The following DNAJC11 variants were observed in gnomAD, a reference collection of about 807,000 sequenced individuals.
The protein encoded by DNAJC11 is dnaJ homolog subfamily C member 11.
DNAJC11 carries 15 observed loss-of-function variants against 78.6 expected under a neutral mutation model. The observed-to-expected ratio is 0.19, with a 90% CI of 0.13 to 0.29. The LOEUF (loss-of-function observed/expected upper bound fraction) is 0.29. Among genes scored for constraint, DNAJC11 ranks in the 10% least tolerant of loss-of-function variants. The probability of loss-of-function intolerance (pLI) is 1.00; values close to 1 mark genes in which losing one functional copy is unlikely to be tolerated. For synonymous variants in DNAJC11, 292 were observed against 272.1 expected, an observed-to-expected ratio of 1.07 and a Z score of -0.72; for missense variants, 547 against 709.6, an observed-to-expected ratio of 0.77 and a Z score of 2.60.
At chr1:6,651,924 C>T (rs1029031995) in intron 6 of DNAJC11, among the ~76,000 whole-genome samples, 6 of 151,980 alleles carry the variant, frequency 3.9e-5, no homozygotes, top group South Asian at 2.1e-4. Context: ...CTACCCCTCC[C>T]GGCGCAGCCC....
At chr1:6,647,022 C>T (rs888572009) in intron 7 of DNAJC11, among the ~76,000 whole-genome samples, 5 of 149,894 alleles carry the variant, frequency 3.3e-5, no homozygotes, top group East Asian at 2.0e-4. Context: ...CCAGGTGTAG[C>T]GGCACGCCCT....
chr1:6,680,725 C>T lies in DNAJC11; in HGVS notation c.202+183G>A, dbSNP rs946172326. Among the ~76,000 whole-genome samples the T allele has an allele frequency of 8.5e-5, 13 of 152,180 alleles. No individual in the cohort carries two copies. The highest frequency in any genetic ancestry group is 2.9e-5 in the Non-Finnish European group (2 of 68,038). ...TCTCTCATTTTCTACTTACTGGACA[C>T]GTATTGATTTCCAAAGCAAAATACT... On this transcript the variant is annotated intron_variant, in intron 2 of 15. Coordinates refer to ENST00000377577, the MANE Select transcript of DNAJC11 (RefSeq NM_018198.4). This position sits in a 1 kb window ranked among gnomAD's most constrained non-coding sequence, Gnocchi z 4.0.
chr1:6,667,697 C>T lies in DNAJC11; in HGVS notation c.378+12G>A, dbSNP rs1337904556. ...CATGAAGTGTCCTCATGAAACGTGG[C>T]CCCTGGCTTACCTTGGGATTGGTTC... On this transcript the variant is annotated intron_variant, in intron 4 of 15. Transcript: ENST00000377577. 6.2e-7 allele frequency: 1 copy of T among 1,612,262 alleles called. No individual in the cohort carries two copies. Among genetic ancestry groups the T allele is most frequent in the Non-Finnish European group, 8.5e-7 (1 of 1,178,364 alleles).
intron 2 of DNAJC11, among the ~76,000 whole-genome samples, chr1:6,679,363 C>T (rs1642520064): frequency 6.6e-6 from 1 of 152,176 alleles, no homozygotes; most frequent in Non-Finnish European, 1.5e-5. Context: ...GGCCACATCA[C>T]CCAAAATACA....
intron 1 of DNAJC11, among the ~76,000 whole-genome samples, chr1:6,686,463 T>C (rs1351874123): frequency 6.6e-6 from 1 of 152,238 alleles, no homozygotes; most frequent in East Asian, 1.9e-4. Flanking sequence ...GGCCAGCTAG[T>C]ACAGTTTGGC....
intron 6 of DNAJC11, 114 bp from the exon 7 acceptor site, chr1:6,651,716 C>A: frequency 1.3e-6 from 1 of 780,024 alleles, no homozygotes; most frequent in Non-Finnish European, 2.1e-6. Context: ...CTGGTCTTGC[C>A]AGGGCTCTAA....
Position 6,661,184 on chromosome 1 carries a change from A to G in DNAJC11, c.378+6525T>C, listed in dbSNP as rs148139764. On this transcript the variant is annotated intron_variant, in intron 4 of 15. Coordinates refer to ENST00000377577, the MANE Select transcript of DNAJC11 (RefSeq NM_018198.4). ...ATATTTATCTGGCCATGAGGGTAAC[A>G]TAAGAAATTTCTGTCAACTGCAATC... 1.0e-3 allele frequency among the ~76,000 whole-genome samples: 155 copies of G among 152,334 alleles called. 3 individuals carry two copies. Among genetic ancestry groups the G allele is most frequent in the South Asian group, 8.9e-3 (43 of 4,828 alleles).
At position 6,634,519 on chromosome 1, in the gene DNAJC11, A is replaced by G; in HGVS notation, c.*1156T>C. ...GGCGCAGCTTGGGGCCCCCCGCGCC[A>G]GCTGTCTCAGCCACCACCTGTGCGG... On this transcript the variant is annotated 3_prime_UTR_variant, in exon 16 of 16. Coordinates refer to ENST00000377577, the MANE Select transcript of DNAJC11 (RefSeq NM_018198.4). 7.4e-7 allele frequency: 1 copy of G among 1,358,186 alleles called. No individual in the cohort carries two copies. The highest frequency in any genetic ancestry group is 9.8e-7 in the Non-Finnish European group (1 of 1,018,330). 84.1% of individuals were successfully genotyped at this position (1,358,186 alleles called of 1,614,324 possible).
At chr1:6,637,964 C>A in intron 12 of DNAJC11, 1 of 387,078 alleles carries the variant, frequency 2.6e-6, no homozygotes, top group Non-Finnish European at 4.7e-6. Context: ...GCTCGCCAGG[C>A]CGCGCACACG....
At chr1:6,684,881 A>G (rs559756921) in intron 1 of DNAJC11, among the ~76,000 whole-genome samples, 2 of 152,312 alleles carry the variant, frequency 1.3e-5, no homozygotes, top group East Asian at 3.9e-4. Context: ...TTCTGGATAG[A>G]CTATATGTTA....
At chr1:6,649,006 T>G (rs1369910137) in intron 7 of DNAJC11, among the ~76,000 whole-genome samples, 1 of 151,944 alleles carries the variant, frequency 6.6e-6, no homozygotes, top group Non-Finnish European at 1.5e-5. Flanking sequence ...AAAAAAAATT[T>G]TTCTCGGTGG....
At position 6,695,643 on chromosome 1, in the gene DNAJC11, A is replaced by AG. The variant is rs1167161510; in HGVS notation, c.72+6085_72+6086insC. 4.0e-5 allele frequency among the ~76,000 whole-genome samples: 6 copies of AG among 148,500 alleles called. No homozygotes were observed. The East Asian group carries it at 1.2e-3, about 29-fold the overall frequency. On this transcript the variant is annotated intron_variant, in intron 1 of 15. Transcript: ENST00000377577. ...TATCTCTACTAAAAAAAAAAAAAAA[A>AG]AAAAAAAAAAAAAAATTAGCCGGGT...
chr1:6,655,457 A>G (rs1344847663), intron 4 of DNAJC11, among the ~76,000 whole-genome samples: 1 of 152,234 alleles, frequency 6.6e-6, no homozygotes, highest in African/African-American at 2.4e-5. Flanking sequence ...TTATATTCAC[A>G]GAGTAACAGC....
Position 6,634,457 on chromosome 1 carries a change from C to G in DNAJC11, c.*1218G>C, listed in dbSNP as rs145157732. On this transcript the variant is annotated 3_prime_UTR_variant, in exon 16 of 16. Coordinates refer to ENST00000377577, the MANE Select transcript of DNAJC11 (RefSeq NM_018198.4). ...CAGATACCAGTGCTGGGGAGGGAGG[C>G]CTGACTTCAGCAACAGCTGTGGGTG... 7.0e-4 allele frequency: 911 copies of G among 1,299,978 alleles called. 10 individuals carry two copies. In the African/African-American group the frequency reaches 0.013, roughly 18 times the overall value. The allele number at this position is 1,299,978 out of a possible 1,614,324, so 80.5% of individuals were successfully genotyped here.
In DNAJC11 at chr1:6,635,676, T is replaced by TA; in HGVS notation, c.1678dup (p.Ter560LeufsTer9). The TA allele has an allele frequency of 6.2e-7, 1 of 1,614,022 alleles. No homozygotes were observed. The highest frequency in any genetic ancestry group is 8.5e-7 in the Non-Finnish European group (1 of 1,179,944). ...TTTAAAAATCTGGTTCTTGGCAGTT[T>TA]ATCCATCTGTATCGATCCTGTGGGC... On this transcript the variant is annotated frameshift_variant and stop_lost, in exon 16 of 16. Coordinates refer to ENST00000377577, the MANE Select transcript of DNAJC11 (RefSeq NM_018198.4). LOFTEE classifies it high-confidence loss of function.
At position 6,680,780 on chromosome 1, in the gene DNAJC11, G is replaced by C; in HGVS notation, c.202+128C>G. ...TTTCAAAGGACCCTGTCAGTGAAAA[G>C]TACTAAACTAACCACCTGTTTTATA... On this transcript the variant is annotated intron_variant, in intron 2 of 15. Coordinates refer to ENST00000377577, the MANE Select transcript of DNAJC11 (RefSeq NM_018198.4). This position sits in a 1 kb window ranked among gnomAD's most constrained non-coding sequence, Gnocchi z 4.0. The C allele has an allele frequency of 8.6e-7, 1 of 1,161,146 alleles. No individual in the cohort carries two copies. The highest frequency in any genetic ancestry group is 1.2e-6 in the Non-Finnish European group (1 of 828,336). 71.9% of individuals were successfully genotyped at this position (1,161,146 alleles called of 1,614,324 possible).
intron 1 of DNAJC11, among the ~76,000 whole-genome samples, chr1:6,685,074 A>C (rs762411037): frequency 2.0e-4 from 31 of 152,206 alleles, no homozygotes; most frequent in Non-Finnish European, 1.0e-4. Context: ...GGAGTTCAAG[A>C]CCAGTTTGAG....
intron 4 of DNAJC11, among the ~76,000 whole-genome samples, chr1:6,665,733 G>A (rs1373869046): frequency 6.6e-6 from 1 of 152,092 alleles, no homozygotes; most frequent in Non-Finnish European, 1.5e-5. Context: ...ATTTGATCAT[G>A]GGACACGGAT....
At chr1:6,640,558 G>A (rs1045458378) in intron 10 of DNAJC11, among the ~76,000 whole-genome samples, 4 of 152,178 alleles carry the variant, frequency 2.6e-5, no homozygotes, top group South Asian at 4.1e-4. Context: ...TTGGCCAGGC[G>A]TGGTGGCTCA....
Sources: allele counts gnomAD v4.1 joint callset (sites outside exome capture counted in the v4.1 genomes callset), GRCh38; gene constraint gnomAD v4.1.1; non-coding constraint Gnocchi (gnomAD v3.1); transcripts MANE v1.5; gene names NCBI Gene and HGNC (gene_info 2026-07-23, HGNC 2026-07-21).